WDR86: variants seen among roughly 807,000 people sequenced by gnomAD.
The protein encoded by WDR86 is WD repeat domain 86, also known as WD repeat-containing protein 86.
WDR86 carries 30 observed loss-of-function variants against 36.5 expected under a neutral mutation model. The observed-to-expected ratio is 0.82, with a 90% CI of 0.61 to 1.11. The LOEUF is 1.11. Ranked by LOEUF, WDR86 falls within the 50% of genes most tolerant of loss-of-function variation. The pLI is 0.00. For missense variants in WDR86, 545 were observed against 561.2 expected (o/e 0.97, Z 0.29); for synonymous variants, 255 against 252.9 (o/e 1.01, Z -0.08).
At chr7:151,407,957 C>T (rs1026584603) in intron 1 of WDR86, among the ~76,000 whole-genome samples, 1 of 152,132 alleles carries the variant, frequency 6.6e-6, no homozygotes, top group Non-Finnish European at 1.5e-5. Context: ...CCCTCTACCC[C>T]CAAGACAGTC....
At chr7:151,375,938 G>T in exon 2 of WDR86, 1 of 1,607,456 alleles carries the variant, frequency 6.2e-7, no homozygotes, top group South Asian at 1.1e-5. Flanking sequence ...GGAAAACATT[G>T]ACCGAGTGAG....
At chr7:151,377,070 G>A (rs776090112), downstream of WDR86, 14 of 1,565,974 alleles carry the variant, frequency 8.9e-6, no homozygotes, top group African/African-American at 5.5e-5. Flanking sequence ...CTCAACAGAC[G>A]AAGACATGGA....
Position 151,398,782 on chromosome 7 carries a change from A to C in WDR86, c.305+1318T>G, listed in dbSNP as rs1390792404. 5.9e-5 allele frequency among the ~76,000 whole-genome samples: 9 copies of C among 152,150 alleles called. No homozygotes were observed. The East Asian group carries it at 1.3e-3, about 23-fold the overall frequency. On this transcript the variant is annotated intron_variant, in intron 2 of 5. Transcript: ENST00000334493. Reference sequence around the variant, plus strand: ...TGGCCGAGCATGATTTCTACCTTTAATGTTCCAGTTTTGCTTTTGAGAAGC... The same window carrying C: ...TGGCCGAGCATGATTTCTACCTTTACTGTTCCAGTTTTGCTTTTGAGAAGC...
chr7:151,395,915 A>T lies in WDR86; in HGVS notation c.587T>A (p.Val196Glu). 1.9e-6 allele frequency: 3 copies of T among 1,600,788 alleles called. No individual in the cohort carries two copies. Among genetic ancestry groups the T allele is most frequent in the Non-Finnish European group, 2.5e-6 (3 of 1,176,568 alleles). Reference sequence around the variant, plus strand: ...GGGCGTGTCTAGCACTAGGCACAGCACTGCACCCGTGTGGCCCCGCAGCGT... The same window carrying T: ...GGGCGTGTCTAGCACTAGGCACAGCTCTGCACCCGTGTGGCCCCGCAGCGT... ...HQTLRGHTGA[V>E]LCLVLDTPGH... The change falls in exon 3 of 6, where the codon GTG (valine) becomes GAG (glutamate). Residue 196 changes from valine to glutamate, a missense_variant. Physicochemically the swap from Val to Glu is moderately radical, Grantham distance 121 (BLOSUM62 -2). Coordinates refer to ENST00000334493, the MANE Select transcript of WDR86 (RefSeq NM_198285.3).
downstream of WDR86, chr7:151,377,330 T>C (rs920773157): frequency 9.1e-6 from 7 of 770,784 alleles, no homozygotes; most frequent in African/African-American, 1.1e-4. Flanking sequence ...TTACAAGTCC[T>C]CTTTGGGTGT....
In WDR86 at chr7:151,406,022, T is replaced by C. The variant is rs897835743; in HGVS notation, c.163+3405A>G. On this transcript the variant is annotated intron_variant, in intron 1 of 5. Coordinates refer to ENST00000334493, the MANE Select transcript of WDR86 (RefSeq NM_198285.3). The surrounding 1 kb of genome is among the most constrained non-coding windows in gnomAD (Gnocchi z 4.4). ...TGCCCCCAAATAAGGAGATATTCAATGAATAAACCTGAAAAAGAGGAGGTC... is the reference window on the plus strand; with the variant it reads ...TGCCCCCAAATAAGGAGATATTCAACGAATAAACCTGAAAAAGAGGAGGTC... 6.6e-6 allele frequency among the ~76,000 whole-genome samples: 1 copy of C among 152,174 alleles called. No individual in the cohort carries two copies. The highest frequency in any genetic ancestry group is 6.5e-5 in the Admixed American group (1 of 15,282).
intron 2 of WDR86, among the ~76,000 whole-genome samples, 177 bp downstream of exon 2, chr7:151,399,923 G>A (rs1033178700): frequency 3.9e-5 from 6 of 152,230 alleles, no homozygotes; most frequent in Non-Finnish European, 8.8e-5. Flanking sequence ...CACTGAGCTC[G>A]CTGCCTGTCC....
chr7:151,377,309 T>C, downstream of WDR86: 1 of 1,014,750 alleles, frequency 9.9e-7, no homozygotes, highest in Non-Finnish European at 1.4e-6. Flanking sequence ...TGTTCTTACT[T>C]TTTATCTGAA....
At chr7:151,387,776 G>T (rs1482134989) in intron 3 of WDR86, among the ~76,000 whole-genome samples, 1 of 152,206 alleles carries the variant, frequency 6.6e-6, no homozygotes, top group Non-Finnish European at 1.5e-5. Flanking sequence ...AAGAGTGTCG[G>T]GGGACGCACC....
In WDR86 at chr7:151,401,821, G is replaced by A. The variant is rs911399208; in HGVS notation, c.164-1580C>T. Among the ~76,000 whole-genome samples, 13 of 151,608 alleles carry A rather than the reference G, an allele frequency of 8.6e-5. No individual in the cohort carries two copies. Among genetic ancestry groups the A allele is most frequent in the Non-Finnish European group, 1.6e-4 (11 of 67,928 alleles). On this transcript the variant is annotated intron_variant, in intron 1 of 5. Coordinates refer to ENST00000334493, the MANE Select transcript of WDR86 (RefSeq NM_198285.3). The surrounding 1 kb of genome is among the most constrained non-coding windows in gnomAD (Gnocchi z 4.3). ...TTCCAGCACTTTGGGAGGCCGAGGC[G>A]GGTGGATCACAAGGTCAGGAGTTCA...
downstream of WDR86, chr7:151,373,984 G>A: frequency 1.6e-6 from 2 of 1,212,798 alleles, no homozygotes; most frequent in Non-Finnish European, 2.3e-6. Context: ...CCTGTGCTTT[G>A]CTTTGGTTTT....
intron 1 of WDR86, among the ~76,000 whole-genome samples, chr7:151,402,091 A>ATATATATATATATATATATC (rs1365492180): frequency 3.2e-5 from 4 of 124,166 alleles, no homozygotes; most frequent in African/African-American, 1.3e-4. Flanking sequence ...ATATATATAT[A>ATATATATATATATATATATC]TCTCCACAAA....
chr7:151,402,070 A>AATAT lies in WDR86; in HGVS notation c.164-1833_164-1830dup, dbSNP rs748373598. ...CTCAAAAAAAAAAAAAAAAAAAAAA[A>AATAT]ATATATATATATATATATATATCTC... On this transcript the variant is annotated intron_variant, in intron 1 of 5. Coordinates refer to ENST00000334493, the MANE Select transcript of WDR86 (RefSeq NM_198285.3). Among the ~76,000 whole-genome samples the AATAT allele has an allele frequency of 1.4e-3, 70 of 50,508 alleles. 1 individual carries two copies. The highest frequency in any genetic ancestry group is 6.4e-3 in the East Asian group (13 of 2,034). 33.1% of individuals were successfully genotyped at this position (50,508 alleles called of 152,430 possible).
chr7:151,383,730 A>G (rs1563044109), intron 4 of WDR86, among the ~76,000 whole-genome samples: 3 of 152,186 alleles, frequency 2.0e-5, no homozygotes, highest in Admixed American at 6.5e-5. Context: ...AGACAAATGG[A>G]CATGGCCTGG....
At chr7:151,379,015 G>A (rs1272866892), downstream of WDR86, among the ~76,000 whole-genome samples, 6 of 152,230 alleles carry the variant, frequency 3.9e-5, no homozygotes, top group East Asian at 1.9e-4. Flanking sequence ...CCGGACAGGC[G>A]GTAGAGGAGG....
chr7:151,410,027 G>C lies in WDR86; in HGVS notation c.-438C>G. ...CCCGCGCCCTCCCCGGCCGAGCGCG[G>C]AACAATACGGTCCAGCCTGGCTCCT... is the stretch of plus-strand genomic sequence containing the variant. On this transcript the variant is annotated 5_prime_UTR_variant, in exon 1 of 6. Coordinates refer to ENST00000334493, the MANE Select transcript of WDR86 (RefSeq NM_198285.3). The C allele has an allele frequency of 1.0e-6, 1 of 992,440 alleles. No individual in the cohort carries two copies. The highest frequency in any genetic ancestry group is 4.7e-5 in the South Asian group (1 of 21,434). 61.5% of individuals were successfully genotyped at this position (992,440 alleles called of 1,614,324 possible).
chr7:151,409,194 C>T lies in WDR86; in HGVS notation c.163+233G>A. On this transcript the variant is annotated intron_variant, in intron 1 of 5. Transcript: ENST00000334493. This position sits in a 1 kb window ranked among gnomAD's most constrained non-coding sequence, Gnocchi z 5.2. Reference sequence around the variant, plus strand: ...GCGGACGCCCCTCGACCCACCCACCCGATCCCGGCCGCACCCTGCTCTGCA... The same window carrying T: ...GCGGACGCCCCTCGACCCACCCACCTGATCCCGGCCGCACCCTGCTCTGCA... 2 of 655,376 alleles carry T rather than the reference C, an allele frequency of 3.1e-6. No individual in the cohort carries two copies. Among genetic ancestry groups the T allele is most frequent in the East Asian group, 3.0e-5 (1 of 32,888 alleles). The allele number at this position is 655,376 out of a possible 1,614,324, so 40.6% of individuals were successfully genotyped here. A position where few individuals can be genotyped will look rare whatever the true frequency, so the allele number is the denominator to read the frequency against.
At chr7:151,384,488 G>A (rs7794868) in intron 4 of WDR86, among the ~76,000 whole-genome samples, 1,992 of 152,260 alleles carry the variant, frequency 0.013, 44 homozygotes, top group African/African-American at 0.045. Flanking sequence ...AACATGACAC[G>A]ATGGCTGGCA....
At chr7:151,398,417 CGT>C (rs1800035056) in intron 2 of WDR86, among the ~76,000 whole-genome samples, 1 of 77,676 alleles carries the variant, frequency 1.3e-5, no homozygotes, top group Non-Finnish European at 2.9e-5. Context: ...GTATGTTGTG[CGT>C]GTGTGCACAT....
Sources: allele counts gnomAD v4.1 joint callset (sites outside exome capture counted in the v4.1 genomes callset), GRCh38; gene constraint gnomAD v4.1.1; non-coding constraint Gnocchi (gnomAD v3.1); transcripts MANE v1.5; gene names NCBI Gene and HGNC (gene_info 2026-07-23, HGNC 2026-07-21).